The following WDR33 variants were observed in gnomAD, a reference collection of about 807,000 sequenced individuals.
The protein encoded by WDR33 is WD repeat domain 33, also known as pre-mRNA 3' end processing protein WDR33.
Under a neutral mutation model 164.9 loss-of-function variants are expected in WDR33, and 47 were observed. That is an observed-to-expected ratio of 0.29 (90% confidence interval 0.23 to 0.36). WDR33 has a LOEUF of 0.36. Among genes scored for constraint, WDR33 ranks in the 10% least tolerant of loss-of-function variants. The probability of loss-of-function intolerance (pLI) is 1.00; values close to 1 mark genes in which losing one functional copy is unlikely to be tolerated. For missense variants in WDR33, 1,137 were observed against 1,754.1 expected (o/e 0.65, Z 6.28); for synonymous variants, 505 against 589.0 (o/e 0.86, Z 2.06).
At chr2:127,768,102 A>G (rs1558945506) in intron 4 of WDR33, 87 bp downstream of exon 4, 1 of 772,564 alleles carries the variant, frequency 1.3e-6, no homozygotes, top group East Asian at 3.3e-5. Flanking sequence ...CTTTTAAAAT[A>G]ATGTTTAATT....
rs138114617 is a variant in WDR33 at position 127,784,403 on chromosome 2, G to A, written c.-23-13399C>T. Among the ~76,000 whole-genome samples, 37 of 151,654 alleles carry A rather than the reference G, an allele frequency of 2.4e-4. 1 individual carries two copies. In the East Asian group the frequency reaches 6.2e-3, roughly 25 times the overall value. On this transcript the variant is annotated intron_variant, in intron 1 of 21. Transcript: ENST00000322313. ...ATTTTTTATTCTTTTTTTGTTTTTC[G>A]AGACAGGGTCTCACTCTGTCACCCA...
rs938169294 is a variant in WDR33, at chr2:127,716,326, C to T, written c.2869+829G>A. On this transcript the variant is annotated intron_variant, in intron 17 of 21. Coordinates refer to ENST00000322313, the MANE Select transcript of WDR33 (RefSeq NM_018383.5). The surrounding 1 kb of genome is among the most constrained non-coding windows in gnomAD (Gnocchi z 4.5). Reference sequence around the variant, plus strand: ...CACCACACAGTGCTATGGGCTTAGCCAATTAAAACTAAGAGAGTAAAGTTC... The same window carrying T: ...CACCACACAGTGCTATGGGCTTAGCTAATTAAAACTAAGAGAGTAAAGTTC... Among the ~76,000 whole-genome samples the T allele has an allele frequency of 2.0e-5, 3 of 152,204 alleles. No individual in the cohort carries two copies. Among genetic ancestry groups the T allele is most frequent in the African/African-American group, 7.2e-5 (3 of 41,466 alleles).
chr2:127,703,993 C>G lies in WDR33; in HGVS notation c.*2330G>C, dbSNP rs1441535883. ...AAAATTTGCCAGATATGGTGGCACA[C>G]AACTGTGATCCCAGCTACTTGGGGT... On this transcript the variant is annotated 3_prime_UTR_variant, in exon 22 of 22. Transcript: ENST00000322313. The G allele has an allele frequency of 1.8e-5, 3 of 166,656 alleles. No homozygotes were observed. 10.3% of individuals were successfully genotyped at this position (166,656 alleles called of 1,614,324 possible).
chr2:127,782,719 T>C (rs755595450), intron 1 of WDR33, among the ~76,000 whole-genome samples: 1 of 152,082 alleles, frequency 6.6e-6, no homozygotes, highest in Non-Finnish European at 1.5e-5. Flanking sequence ...ATTTAAAGTA[T>C]ACAGCAGGAG....
chr2:127,798,709 CA>C (rs551215356), intron 1 of WDR33, among the ~76,000 whole-genome samples: 1 of 149,996 alleles, frequency 6.7e-6, no homozygotes, highest in Non-Finnish European at 1.5e-5. Context: ...GTTTAGATTT[CA>C]AAAAAAACAG....
chr2:127,730,994 A>G, intron 7 of WDR33, among the ~76,000 whole-genome samples: 1 of 152,026 alleles, frequency 6.6e-6, no homozygotes, highest in East Asian at 1.9e-4. Flanking sequence ...GTATTTTCCC[A>G]TCAAATTAAC....
intron 7 of WDR33, among the ~76,000 whole-genome samples, chr2:127,752,223 T>C (rs1687388339): frequency 6.6e-6 from 1 of 152,236 alleles, no homozygotes; most frequent in African/African-American, 2.4e-5. Flanking sequence ...GGATTAATTC[T>C]TGTGCTTAAG....
chr2:127,747,030 T>C (rs1297323945), intron 7 of WDR33, among the ~76,000 whole-genome samples: 1 of 152,208 alleles, frequency 6.6e-6, no homozygotes, highest in Non-Finnish European at 1.5e-5. Flanking sequence ...CCAGTGAATT[T>C]TGTGGAGATC....
intron 1 of WDR33, among the ~76,000 whole-genome samples, chr2:127,774,630 C>G (rs1688124463): frequency 6.6e-6 from 1 of 152,102 alleles, no homozygotes; most frequent in Non-Finnish European, 1.5e-5. Flanking sequence ...GAGATCGAGA[C>G]CATCCCGGCT....
At chr2:127,754,513 G>C (rs1175893817) in intron 7 of WDR33, among the ~76,000 whole-genome samples, 2 of 151,964 alleles carry the variant, frequency 1.3e-5, no homozygotes, top group African/African-American at 4.8e-5. Context: ...TGGATTCCTA[G>C]ACTCGAGCAA....
At position 127,713,954 on chromosome 2, in the gene WDR33, G is replaced by A. The variant is rs760393027; in HGVS notation, c.2937C>T (p.Gly979=). 3.8e-6 allele frequency: 6 copies of A among 1,587,552 alleles called. No individual in the cohort carries two copies. Among genetic ancestry groups the A allele is most frequent in the South Asian group, 3.5e-5 (3 of 86,800 alleles). The change falls in exon 18 of 22, where the codon GGC becomes GGT. Residue 979 remains glycine, a synonymous_variant. Transcript: ENST00000322313. This position sits in a 1 kb window ranked among gnomAD's most constrained non-coding sequence, Gnocchi z 6.2. ...PMSERRHEQS[G]GPEHGPERGP... ...CCCTCTCGGGCCCATGCTCAGGCCCGCCGCTCTGCTCATGCCGCCTCTCTG... is the reference window on the plus strand; with the variant it reads ...CCCTCTCGGGCCCATGCTCAGGCCCACCGCTCTGCTCATGCCGCCTCTCTG...
Position 127,741,264 on chromosome 2 carries a change from C to A in WDR33, c.725-14487G>T, listed in dbSNP as rs1022761799. 6.6e-6 allele frequency among the ~76,000 whole-genome samples: 1 copy of A among 151,856 alleles called. No individual in the cohort carries two copies. Among genetic ancestry groups the A allele is most frequent in the Non-Finnish European group, 1.5e-5 (1 of 68,000 alleles). ...CAGCACAAAGTCTGCAGAAATGCCACGGATGACACTGAAAATGGAAAGAAG... is the reference window on the plus strand; with the variant it reads ...CAGCACAAAGTCTGCAGAAATGCCAAGGATGACACTGAAAATGGAAAGAAG... On this transcript the variant is annotated intron_variant, in intron 7 of 21. Coordinates refer to ENST00000322313, the MANE Select transcript of WDR33 (RefSeq NM_018383.5). The surrounding 1 kb of genome is among the most constrained non-coding windows in gnomAD (Gnocchi z 4.1).
intron 1 of WDR33, among the ~76,000 whole-genome samples, chr2:127,773,877 C>T (rs945214807): frequency 2.0e-5 from 3 of 152,004 alleles, no homozygotes; most frequent in African/African-American, 7.3e-5. Context: ...AACCCTCCCA[C>T]CTCAGCCTCC....
chr2:127,783,598 CCTTTTT>C (rs1484196525), intron 1 of WDR33, among the ~76,000 whole-genome samples: 1 of 113,914 alleles, frequency 8.8e-6, no homozygotes, highest in African/African-American at 4.0e-5. Context: ...TTTCAGGACT[CCTTTTT>C]TTTTTTTTTT....
rs1310652783 is a variant in WDR33, at chr2:127,701,710, C to G, written c.*4613G>C. Reference sequence around the variant, plus strand: ...TGGGCGCGGAGCCCTGCGGAGTCGGCAGCGGCCGGCCTGACGTGCCTCCCG... The same window carrying G: ...TGGGCGCGGAGCCCTGCGGAGTCGGGAGCGGCCGGCCTGACGTGCCTCCCG... On this transcript the variant is annotated 3_prime_UTR_variant, in exon 22 of 22. Transcript: ENST00000322313. 3 of 1,329,510 alleles carry G rather than the reference C, an allele frequency of 2.3e-6. No homozygotes were observed. The allele number at this position is 1,329,510 out of a possible 1,614,324, so 82.4% of individuals were successfully genotyped here.
chr2:127,795,388 C>T (rs533023481), intron 1 of WDR33, among the ~76,000 whole-genome samples: 2 of 152,006 alleles, frequency 1.3e-5, no homozygotes, highest in South Asian at 2.1e-4. Flanking sequence ...CGTGAGCCAT[C>T]GTGCCCTGCC....
At chr2:127,785,962 A>G (rs1024575132) in intron 1 of WDR33, among the ~76,000 whole-genome samples, 1 of 152,220 alleles carries the variant, frequency 6.6e-6, no homozygotes, top group African/African-American at 2.4e-5. Flanking sequence ...GCTGCTCCGT[A>G]TCGTTGACAG....
intron 1 of WDR33, among the ~76,000 whole-genome samples, chr2:127,783,963 T>C (rs1558954539): frequency 6.7e-6 from 1 of 150,180 alleles, no homozygotes; most frequent in Non-Finnish European, 1.5e-5. Flanking sequence ...TTTACTGTGG[T>C]ATTGGATACT....
chr2:127,737,621 C>G (rs1244610051), intron 7 of WDR33: 1 of 1,006,224 alleles, frequency 9.9e-7, no homozygotes, highest in Non-Finnish European at 1.2e-6. Context: ...TTAGTGCCAG[C>G]AGACAACCCA....
Sources: allele counts gnomAD v4.1 joint callset (sites outside exome capture counted in the v4.1 genomes callset), GRCh38; gene constraint gnomAD v4.1.1; non-coding constraint Gnocchi (gnomAD v3.1); transcripts MANE v1.5; gene names NCBI Gene and HGNC (gene_info 2026-07-23, HGNC 2026-07-21).